The following BANP variants were observed in gnomAD, a reference collection of about 807,000 sequenced individuals.
BANP encodes the protein protein BANP.
A neutral mutation model predicts 68.1 loss-of-function variants in BANP; 11 were observed. The ratio of observed to expected loss-of-function variants is 0.16; its 90% CI spans 0.10 to 0.27. BANP has a LOEUF of 0.27. Ranked by LOEUF, BANP falls within the 10% of genes least tolerant of loss-of-function variation. BANP has a pLI of 1.00. For synonymous variants in BANP, 329 were observed against 303.2 expected (o/e 1.09, Z -0.88); for missense variants, 504 against 722.7 (o/e 0.70, Z 3.47).
chr16:87,974,978 C>T (rs2061753072), intron 1 of BANP, 70 bp from the exon 2 acceptor site: 4 of 716,660 alleles, frequency 5.6e-6, no homozygotes, highest in African/African-American at 1.8e-5. Context: ...GTGCTCGGCT[C>T]GTGGTTTTCA....
At chr16:88,074,433 T>G (rs1374377783) in intron 13 of BANP, among the ~76,000 whole-genome samples, 1 of 151,360 alleles carries the variant, frequency 6.6e-6, no homozygotes, top group Non-Finnish European at 1.5e-5. Flanking sequence ...GTTGGGAGGG[T>G]AGGGGGGTGC....
chr16:87,983,952 T>G, intron 3 of BANP, 108 bp from the exon 4 acceptor site: 1 of 1,425,280 alleles, frequency 7.0e-7, no homozygotes, highest in Non-Finnish European at 9.4e-7. Flanking sequence ...GATTGTTCTG[T>G]CTGAATAGAT....
intron 7 of BANP, among the ~76,000 whole-genome samples, chr16:88,021,110 G>A (rs2075953434): frequency 6.6e-6 from 1 of 152,222 alleles, no homozygotes; most frequent in Non-Finnish European, 1.5e-5. Context: ...GGAGAGGGGA[G>A]TGGGAGCCTG....
At chr16:87,971,632 G>C (rs1363996025) in intron 1 of BANP, among the ~76,000 whole-genome samples, 1 of 150,460 alleles carries the variant, frequency 6.6e-6, no homozygotes, top group Non-Finnish European at 1.5e-5. Flanking sequence ...TTCTGTCTTG[G>C]TGTTGTATCT....
intron 1 of BANP, among the ~76,000 whole-genome samples, chr16:87,955,612 G>A (rs562704901): frequency 8.9e-4 from 136 of 152,224 alleles, no homozygotes; most frequent in Non-Finnish European, 1.4e-3. Flanking sequence ...GCGTGTGGCC[G>A]CCCTGTCTCC....
Position 88,018,935 on chromosome 16 carries a change from ACTC to A in BANP, c.895+272_895+274del, listed in dbSNP as rs1162554658. ...ACTGTGTACCCTTAGAAGGTGAAAA[ACTC>A]CTCGCCTCCTGTCTGTAGGCCACTC... On this transcript the variant is annotated intron_variant, in intron 7 of 13. Coordinates refer to ENST00000682872, the MANE Select transcript of BANP (RefSeq NM_001386991.1). This position sits in a 1 kb window ranked among gnomAD's most constrained non-coding sequence, Gnocchi z 7.7. Among the ~76,000 whole-genome samples, 1 of 150,930 alleles carries A rather than the reference ACTC, an allele frequency of 6.6e-6. No homozygotes were observed. Among genetic ancestry groups the A allele is most frequent in the Non-Finnish European group, 1.5e-5 (1 of 67,654 alleles).
chr16:87,961,562 C>A (rs1174952354), intron 1 of BANP, among the ~76,000 whole-genome samples: 2 of 152,180 alleles, frequency 1.3e-5, no homozygotes, highest in Non-Finnish European at 1.5e-5. Context: ...TCAATTAAGC[C>A]GGGCATTAGA....
At position 88,067,284 on chromosome 16, in the gene BANP, G is replaced by A. The variant is rs897027493; in HGVS notation, c.1377+1952G>A. Among the ~76,000 whole-genome samples the A allele has an allele frequency of 3.9e-5, 6 of 152,090 alleles. No individual in the cohort carries two copies. In the South Asian group the frequency reaches 6.2e-4, roughly 16 times the overall value. On this transcript the variant is annotated intron_variant, in intron 12 of 13. Coordinates refer to ENST00000682872, the MANE Select transcript of BANP (RefSeq NM_001386991.1). ...AGAGCCGCTGGGCTGGGTGTGGGGC[G>A]CCACAGTTGTTTGGCCTCTCAGCCC...
At chr16:88,062,430 G>T (rs1156712527) in intron 11 of BANP, among the ~76,000 whole-genome samples, 1 of 152,234 alleles carries the variant, frequency 6.6e-6, no homozygotes, top group East Asian at 1.9e-4. Flanking sequence ...GGTTCCCTCA[G>T]TCGGCTGCTC....
intron 7 of BANP, among the ~76,000 whole-genome samples, chr16:88,021,271 G>A (rs982792314): frequency 1.3e-5 from 2 of 152,216 alleles, no homozygotes; most frequent in Non-Finnish European, 2.9e-5. Context: ...GGGCTCTGGA[G>A]CACGGTCCCC....
chr16:88,046,536 A>T (rs542793418), intron 11 of BANP, among the ~76,000 whole-genome samples: 19 of 152,070 alleles, frequency 1.2e-4, no homozygotes, highest in African/African-American at 1.9e-4. Context: ...TTAATTTTTT[A>T]AAAATGTTTT....
At chr16:88,037,890 A>T (rs2079756847) in intron 10 of BANP, 83 bp from the exon 11 acceptor site, 1 of 1,365,784 alleles carries the variant, frequency 7.3e-7, no homozygotes, top group Admixed American at 1.7e-5. Context: ...GTGGCCTGTG[A>T]TGTGTCTTGG....
chr16:87,970,611 A>T (rs2060927758), intron 1 of BANP, among the ~76,000 whole-genome samples: 1 of 152,236 alleles, frequency 6.6e-6, no homozygotes, highest in Non-Finnish European at 1.5e-5. Context: ...TCATGAATTT[A>T]AAAATATTTC....
Position 88,004,467 on chromosome 16 carries a change from G to T in BANP, c.479+56G>T. Reference sequence around the variant, plus strand: ...CCTGCCACTGTGCGGAGTCCCATGAGAATAAGTCAACGTCCCTAAGCCAGG... The same window carrying T: ...CCTGCCACTGTGCGGAGTCCCATGATAATAAGTCAACGTCCCTAAGCCAGG... On this transcript the variant is annotated intron_variant, in intron 5 of 13. Coordinates refer to ENST00000682872, the MANE Select transcript of BANP (RefSeq NM_001386991.1). The surrounding 1 kb of genome is among the most constrained non-coding windows in gnomAD (Gnocchi z 7.0). 9.9e-7 allele frequency: 1 copy of T among 1,014,336 alleles called. No individual in the cohort carries two copies. The highest frequency in any genetic ancestry group is 2.6e-5 in the East Asian group (1 of 38,050). The allele number at this position is 1,014,336 out of a possible 1,614,324, so 62.8% of individuals were successfully genotyped here.
intron 7 of BANP, among the ~76,000 whole-genome samples, chr16:88,019,862 G>A (rs1431460573): frequency 6.6e-6 from 1 of 152,186 alleles, no homozygotes; most frequent in Non-Finnish European, 1.5e-5. Flanking sequence ...CTGTGAAAAT[G>A]GGGTCTGAGT....
chr16:88,028,671 G>A (rs191991504), intron 8 of BANP, among the ~76,000 whole-genome samples: 48 of 152,326 alleles, frequency 3.2e-4, no homozygotes, highest in Non-Finnish European at 5.4e-4. Flanking sequence ...GCAGTCCTGG[G>A]GTGTGGGTTA....
At chr16:88,062,933 G>A (rs917497367) in intron 11 of BANP, among the ~76,000 whole-genome samples, 11 of 152,200 alleles carry the variant, frequency 7.2e-5, no homozygotes, top group South Asian at 2.1e-4. Context: ...ATCTTGGGGC[G>A]TGCAGCGCTC....
chr16:88,034,382 G>A (rs1418407346), intron 9 of BANP, among the ~76,000 whole-genome samples: 1 of 152,174 alleles, frequency 6.6e-6, no homozygotes, highest in South Asian at 2.1e-4. Flanking sequence ...GACTAAGAGA[G>A]AATTTCAAAT....
rs547611286 is a variant in BANP at position 87,985,624 on chromosome 16, A to G, written c.362+1365A>G. Among the ~76,000 whole-genome samples, 3 of 152,320 alleles carry G rather than the reference A, an allele frequency of 2.0e-5. No individual in the cohort carries two copies. The South Asian group carries it at 6.2e-4, about 32-fold the overall frequency. Reference sequence around the variant, plus strand: ...TTATAGTTATTAGACTGTCCTAGCTATAGAGAATGAATGTGATAGTATTGT... The same window carrying G: ...TTATAGTTATTAGACTGTCCTAGCTGTAGAGAATGAATGTGATAGTATTGT... On this transcript the variant is annotated intron_variant, in intron 4 of 13. Coordinates refer to ENST00000682872, the MANE Select transcript of BANP (RefSeq NM_001386991.1).
Sources: gnomAD v4.1 joint callset for allele counts (sites outside exome capture counted in the v4.1 genomes callset) on GRCh38, gnomAD v4.1.1 for gene constraint, Gnocchi (gnomAD v3.1) non-coding constraint, MANE v1.5 for transcripts, NCBI Gene and HGNC (gene_info 2026-07-23, HGNC 2026-07-21) for gene names.